FRAS1: variants seen among roughly 807,000 people sequenced by gnomAD.
The protein encoded by FRAS1 is Fraser extracellular matrix complex subunit 1.
FRAS1 carries 290 observed loss-of-function variants against 435.2 expected under a neutral mutation model. The observed-to-expected ratio is 0.67, with a 90% confidence interval of 0.61 to 0.73. The LOEUF is 0.73. Ranked by LOEUF, FRAS1 falls within the 30% of genes least tolerant of loss-of-function variation. FRAS1 has a pLI of 0.00. For missense variants in FRAS1, 4,860 were observed against 5,001.5 expected (o/e 0.97, Z 0.85); for synonymous variants, 1,800 against 1,851.0 (o/e 0.97, Z 0.71).
chr4:78,234,875 G>A lies in FRAS1; in HGVS notation c.109-2635G>A, dbSNP rs559242310. Among the ~76,000 whole-genome samples, 5 of 152,318 alleles carry A rather than the reference G, an allele frequency of 3.3e-5. No homozygotes were observed. In the South Asian group the frequency reaches 8.3e-4, roughly 25 times the overall value. On this transcript the variant is annotated intron_variant, in intron 2 of 73. Transcript: ENST00000512123. ...TATATCCATGTAAATCTACACCAATGTTGGTATATTAGTCTAGGTTCTCCA... is the reference window on the plus strand; with the variant it reads ...TATATCCATGTAAATCTACACCAATATTGGTATATTAGTCTAGGTTCTCCA...
intron 2 of FRAS1, among the ~76,000 whole-genome samples, chr4:78,133,335 A>T (rs1459177885): frequency 6.8e-6 from 1 of 146,994 alleles, no homozygotes; most frequent in Non-Finnish European, 1.5e-5. Flanking sequence ...AATTGAACTC[A>T]TGGAGATAGA....
chr4:78,121,989 G>A (rs1251337622), intron 2 of FRAS1, among the ~76,000 whole-genome samples: 4 of 152,002 alleles, frequency 2.6e-5, no homozygotes, highest in South Asian at 2.1e-4. Flanking sequence ...ACTTTTTTTT[G>A]TATTATACTT....
intron 6 of FRAS1, among the ~76,000 whole-genome samples, chr4:78,260,622 C>G (rs912672007): frequency 1.3e-4 from 20 of 152,000 alleles, no homozygotes; most frequent in African/African-American, 3.4e-4. Flanking sequence ...ATGGGGTTTT[C>G]TAGATATACA....
chr4:78,387,176 A>C (rs1732248041), intron 28 of FRAS1, among the ~76,000 whole-genome samples, 199 bp from the exon 29 acceptor site: 3 of 152,186 alleles, frequency 2.0e-5, no homozygotes, highest in African/African-American at 7.2e-5. Context: ...TAGAACCCAG[A>C]GGTGTGAAGT....
chr4:78,341,134 G>A (rs1204479656), intron 20 of FRAS1, among the ~76,000 whole-genome samples: 2 of 152,144 alleles, frequency 1.3e-5, no homozygotes, highest in Non-Finnish European at 2.9e-5. Flanking sequence ...TGTGTGGAGT[G>A]GGTATGAAAG....
At chr4:78,388,342 A>G (rs1035804287) in intron 29 of FRAS1, among the ~76,000 whole-genome samples, 4 of 151,874 alleles carry the variant, frequency 2.6e-5, no homozygotes, top group African/African-American at 9.7e-5. Flanking sequence ...AAAAAAAAAA[A>G]AAAACAAAAA....
intron 2 of FRAS1, among the ~76,000 whole-genome samples, chr4:78,165,825 G>T (rs1215804792): frequency 6.6e-6 from 1 of 152,142 alleles, no homozygotes; most frequent in Non-Finnish European, 1.5e-5. Flanking sequence ...GCTAGAGTGG[G>T]CTTATTCTCA....
intron 14 of FRAS1, among the ~76,000 whole-genome samples, chr4:78,289,852 G>C (rs1727801651): frequency 6.6e-6 from 1 of 152,018 alleles, no homozygotes; most frequent in Admixed American, 6.6e-5. Context: ...CACAATACTT[G>C]ACCTTGCACT....
intron 6 of FRAS1, among the ~76,000 whole-genome samples, chr4:78,260,224 T>A (rs1049897089): frequency 6.6e-6 from 1 of 151,832 alleles, no homozygotes; most frequent in African/African-American, 2.4e-5. Flanking sequence ...AAGTAGTTTT[T>A]TCCAATTCTG....
chr4:78,163,650 A>G (rs1399871150), intron 2 of FRAS1, among the ~76,000 whole-genome samples: 1 of 152,204 alleles, frequency 6.6e-6, no homozygotes, highest in Non-Finnish European at 1.5e-5. Flanking sequence ...CTAATCCACA[A>G]ATCTTTGTAA....
intron 29 of FRAS1, among the ~76,000 whole-genome samples, chr4:78,388,218 G>T (rs569263845): frequency 6.6e-6 from 1 of 151,830 alleles, no homozygotes; most frequent in Non-Finnish European, 1.5e-5. Context: ...CTAGCTACTC[G>T]GGAGGCTGAG....
At chr4:78,181,850 G>A (rs113677459) in intron 2 of FRAS1, 117,476 of 1,611,966 alleles carry the variant, frequency 0.073, 4,939 homozygotes, top group Non-Finnish European at 0.085. Flanking sequence ...CTGTTTGCCT[G>A]CCGCGTTGGA....
chr4:78,286,339 T>A (rs940484831), intron 13 of FRAS1, 66 bp from the exon 14 acceptor site: 2 of 1,588,228 alleles, frequency 1.3e-6, no homozygotes, highest in Admixed American at 3.3e-5. Context: ...AGCACTGGCA[T>A]GGGGGTGGTG....
chr4:78,264,931 G>T (rs774217876), intron 6 of FRAS1, 94 bp from the exon 7 acceptor site: 51 of 744,006 alleles, frequency 6.9e-5, no homozygotes, highest in Middle Eastern at 4.5e-4. Flanking sequence ...ATGCTTGGGG[G>T]CATGATTTAG....
In FRAS1 at chr4:78,387,367, C is replaced by T; in HGVS notation, c.3649-8C>T. The stretch of plus-strand genomic sequence containing the variant: ...CTTAACTGACTCTTCTTCCCTTCAA[C>T]TCCACAGGCCCCCTATGTGCTGAGA... On this transcript the variant is annotated splice_region_variant and splice_polypyrimidine_tract_variant and intron_variant, in intron 28 of 73. Coordinates refer to ENST00000512123, the MANE Select transcript of FRAS1 (RefSeq NM_025074.7). 3.1e-6 allele frequency: 5 copies of T among 1,587,988 alleles called. No individual in the cohort carries two copies. The highest frequency in any genetic ancestry group is 1.7e-4 in the Middle Eastern group (1 of 5,926).
At chr4:78,537,945 CAA>C (rs71661176) in intron 72 of FRAS1, among the ~76,000 whole-genome samples, 4 of 91,364 alleles carry the variant, frequency 4.4e-5, no homozygotes, top group Non-Finnish European at 4.5e-5. Flanking sequence ...GACCCTATCT[CAA>C]AAAAAAAAAA....
intron 2 of FRAS1, among the ~76,000 whole-genome samples, chr4:78,076,014 G>A (rs1740619831): frequency 1.3e-5 from 2 of 152,274 alleles, no homozygotes; most frequent in Admixed American, 1.3e-4. Flanking sequence ...GAAATCATTT[G>A]CTCTTGGATT....
At chr4:78,267,139 A>G (rs1027747684) in intron 8 of FRAS1, 102 bp from the exon 9 acceptor site, 3 of 1,201,478 alleles carry the variant, frequency 2.5e-6, no homozygotes, top group Non-Finnish European at 3.6e-6. Flanking sequence ...CCAGAGAAAG[A>G]GCCATGTAGA....
At chr4:78,310,598 G>T (rs1728976808) in intron 15 of FRAS1, among the ~76,000 whole-genome samples, 2 of 152,174 alleles carry the variant, frequency 1.3e-5, no homozygotes, top group African/African-American at 2.4e-5. Context: ...GCAAGAGTTG[G>T]TGATGCCACT....
Sources: gnomAD v4.1 joint callset for allele counts (sites outside exome capture counted in the v4.1 genomes callset) on GRCh38, gnomAD v4.1.1 for gene constraint, MANE v1.5 for transcripts, NCBI Gene and HGNC (gene_info 2026-07-23, HGNC 2026-07-21) for gene names.